NRG1: variants seen among roughly 807,000 people sequenced by gnomAD.
NRG1 encodes the protein pro-neuregulin-1, membrane-bound isoform.
In NRG1, 18 loss-of-function variants were observed where a neutral mutation model predicts 63.8. The observed-to-expected ratio is 0.28, with a 90% CI of 0.19 to 0.42. The LOEUF is 0.42. NRG1 is among the 10% of genes least tolerant of loss of function. The pLI, the probability that NRG1 is intolerant of heterozygous loss-of-function variation, is 1.00. For missense variants in NRG1, 762 were observed against 814.7 expected (o/e 0.94, Z 0.79); for synonymous variants, 302 against 301.3 (o/e 1.00, Z -0.02).
intron 5 of NRG1, among the ~76,000 whole-genome samples, chr8:32,665,708 A>G (rs1275336691): frequency 6.6e-6 from 1 of 152,212 alleles, no homozygotes; most frequent in Non-Finnish European, 1.5e-5. Context: ...TGCTGCTCAA[A>G]AACAAGCCAT....
intron 1 of NRG1, among the ~76,000 whole-genome samples, chr8:32,052,933 C>A (rs926804213): frequency 6.6e-6 from 1 of 152,098 alleles, no homozygotes; most frequent in Non-Finnish European, 1.5e-5. Flanking sequence ...CTTTTCAGCT[C>A]AACATTTGAT....
chr8:31,836,530 C>CT (rs1176664604), intron 1 of NRG1, among the ~76,000 whole-genome samples: 4 of 151,996 alleles, frequency 2.6e-5, no homozygotes, highest in Non-Finnish European at 4.4e-5. Flanking sequence ...GTTCTCTCAT[C>CT]TTTTTAAACA....
At chr8:32,042,961 A>T (rs868529736) in intron 1 of NRG1, among the ~76,000 whole-genome samples, 9 of 140,008 alleles carry the variant, frequency 6.4e-5, no homozygotes, top group South Asian at 4.8e-4. Flanking sequence ...GAAAGAGTGC[A>T]GTGTGTGTGT....
chr8:32,522,299 G>T (rs1010508929), intron 1 of NRG1, among the ~76,000 whole-genome samples: 5 of 152,166 alleles, frequency 3.3e-5, no homozygotes, highest in African/African-American at 4.8e-5. Flanking sequence ...TAAGCACATT[G>T]CAGTCAGTTT....
chr8:32,734,292 A>G (rs1824454970), intron 6 of NRG1, among the ~76,000 whole-genome samples: 1 of 152,226 alleles, frequency 6.6e-6, no homozygotes, highest in Non-Finnish European at 1.5e-5. Context: ...AATTAATATA[A>G]TTAAACAAGG....
intron 1 of NRG1, among the ~76,000 whole-genome samples, chr8:31,769,653 A>C (rs1408569057): frequency 6.6e-6 from 1 of 152,214 alleles, no homozygotes; most frequent in East Asian, 1.9e-4. Context: ...AGGGGTGCAC[A>C]CAAGAGTCTC....
At chr8:31,723,450 C>T (rs541333154) in intron 1 of NRG1, among the ~76,000 whole-genome samples, 2 of 152,176 alleles carry the variant, frequency 1.3e-5, no homozygotes, top group Admixed American at 6.6e-5. Flanking sequence ...AACCTCTTTT[C>T]TCTTTTCCTT....
At chr8:32,474,220 T>A (rs1563513214) in intron 1 of NRG1, among the ~76,000 whole-genome samples, 1 of 152,202 alleles carries the variant, frequency 6.6e-6, no homozygotes, top group Non-Finnish European at 1.5e-5. Flanking sequence ...TTTAGATAGA[T>A]CTTGACTATC....
chr8:31,686,898 G>T (rs1341798554), intron 1 of NRG1, among the ~76,000 whole-genome samples: 4 of 151,088 alleles, frequency 2.6e-5, no homozygotes, highest in Non-Finnish European at 3.0e-5. Flanking sequence ...CTTCTGAGTA[G>T]CTGGGATTAT....
chr8:32,197,866 G>C (rs1045482326), intron 1 of NRG1, among the ~76,000 whole-genome samples: 3 of 152,172 alleles, frequency 2.0e-5, no homozygotes, highest in African/African-American at 7.2e-5. Context: ...GCAAATGCTT[G>C]TCCTACTGCC....
chr8:32,503,630 T>C lies in NRG1; in HGVS notation c.38-92198T>C, dbSNP rs376216905. Among the ~76,000 whole-genome samples the C allele has an allele frequency of 7.6e-4, 115 of 152,304 alleles. 1 individual carries two copies. In the South Asian group the frequency reaches 0.021, roughly 28 times the overall value. Reference sequence around the variant, plus strand: ...AGTAGAATAAAATGTATATTTCATGTTGACAACTTGAAGACGTAACTCTCT... The same window carrying C: ...AGTAGAATAAAATGTATATTTCATGCTGACAACTTGAAGACGTAACTCTCT... On this transcript the variant is annotated intron_variant, in intron 1 of 10. Coordinates refer to the NRG1 transcript ENST00000519301.
rs1353659877 is a variant in NRG1, at chr8:31,987,510, C to T, written c.37+348079C>T. ...GGCAGAAAAAGAAAACCAGATACCA[C>T]ATGTTCTCACTTACAAGTGAGAGCT... On this transcript the variant is annotated intron_variant, in intron 1 of 10. Coordinates refer to the NRG1 transcript ENST00000519301. Among the ~76,000 whole-genome samples, 5 of 151,834 alleles carry T rather than the reference C, an allele frequency of 3.3e-5. No homozygotes were observed. In the East Asian group the frequency reaches 9.7e-4, roughly 30 times the overall value.
intron 1 of NRG1, among the ~76,000 whole-genome samples, chr8:32,376,692 G>A (rs1057456421): frequency 2.0e-5 from 3 of 152,188 alleles, no homozygotes; most frequent in African/African-American, 7.2e-5. Context: ...TGGAGAGAGA[G>A]CAAGCCCTGT....
At chr8:32,673,844 T>C (rs1806336376) in intron 5 of NRG1, among the ~76,000 whole-genome samples, 2 of 152,224 alleles carry the variant, frequency 1.3e-5, no homozygotes, top group Non-Finnish European at 2.9e-5. Flanking sequence ...TTGAGCTGAA[T>C]GCTCTTGTCC....
At chr8:32,415,143 G>A (rs576314887) in intron 1 of NRG1, among the ~76,000 whole-genome samples, 8 of 152,056 alleles carry the variant, frequency 5.3e-5, no homozygotes, top group African/African-American at 1.4e-4. Context: ...TAAAAACAGG[G>A]ATGTGTATAA....
At chr8:31,727,409 G>A (rs1318855607) in intron 1 of NRG1, among the ~76,000 whole-genome samples, 3 of 152,110 alleles carry the variant, frequency 2.0e-5, no homozygotes, top group African/African-American at 4.8e-5. Context: ...ATTTCTCATC[G>A]TTCTGTGATG....
chr8:32,080,388 G>C (rs1827263517), intron 1 of NRG1, among the ~76,000 whole-genome samples: 2 of 152,250 alleles, frequency 1.3e-5, no homozygotes, highest in African/African-American at 4.8e-5. Flanking sequence ...TGAGCAGAAG[G>C]TGCCACAGTC....
intron 1 of NRG1, among the ~76,000 whole-genome samples, chr8:32,530,917 C>T (rs1228357340): frequency 6.6e-6 from 1 of 152,044 alleles, no homozygotes; most frequent in South Asian, 2.1e-4. Flanking sequence ...CATGGTGACA[C>T]CTCATCTCTA....
intron 1 of NRG1, among the ~76,000 whole-genome samples, chr8:31,920,872 A>G (rs1261666676): frequency 7.3e-6 from 1 of 136,492 alleles, no homozygotes; most frequent in Non-Finnish European, 1.6e-5. Context: ...ACATAGATAG[A>G]TAGATAGATA....
Sources: gnomAD v4.1 joint callset for allele counts (sites outside exome capture counted in the v4.1 genomes callset) on GRCh38, gnomAD v4.1.1 for gene constraint, MANE v1.5 for transcripts, NCBI Gene and HGNC (gene_info 2026-07-23, HGNC 2026-07-21) for gene names.